Variants in COL4A1 observed in about 807,000 individuals in gnomAD.
The protein encoded by COL4A1 is collagen alpha-1(IV) chain.
Under a neutral mutation model 216.6 loss-of-function variants are expected in COL4A1, and 40 were observed. That is an observed-to-expected ratio of 0.18 (90% CI 0.14 to 0.24). The LOEUF (loss-of-function observed/expected upper bound fraction) is 0.24, where lower values mean the gene tolerates loss of function less well. Ranked by LOEUF, COL4A1 falls within the 10% of genes least tolerant of loss-of-function variation. COL4A1 has a pLI of 1.00. For missense variants in COL4A1, 1,628 were observed against 2,196.8 expected (o/e 0.74, Z 5.18); for synonymous variants, 839 against 810.7 (o/e 1.03, Z -0.59).
At chr13:110,229,428 GA>G (rs1880901878) in intron 2 of COL4A1, among the ~76,000 whole-genome samples, 1 of 152,158 alleles carries the variant, frequency 6.6e-6, no homozygotes, top group Non-Finnish European at 1.5e-5. Context: ...TTCACATTGA[GA>G]AATTTCCAGC....
intron 1 of COL4A1, among the ~76,000 whole-genome samples, chr13:110,290,945 G>A (rs1454400615): frequency 6.6e-6 from 1 of 152,222 alleles, no homozygotes; most frequent in African/African-American, 2.4e-5. Flanking sequence ...AGTGGCAGAA[G>A]CCAAGGGCGA....
intron 20 of COL4A1, 51 bp downstream of exon 20, chr13:110,200,803 A>T: frequency 1.3e-6 from 2 of 1,550,626 alleles, no homozygotes; most frequent in Non-Finnish European, 1.8e-6. Flanking sequence ...GAATATAAAC[A>T]GCACAGAAGG....
chr13:110,175,255 G>A lies in COL4A1; in HGVS notation c.3161C>T (p.Pro1054Leu), dbSNP rs758076661. ...GAKGEKGQAGPPGIGIPGLRG... is the reference protein window; with the variant it reads ...GAKGEKGQAGLPGIGIPGLRG... ...CAGCCCTGGGATGCCTATGCCAGGT[G>A]GGCCTGCCTGCCCTTTCTCTCCTTT... Residue 1054 changes from proline (P) to leucine (L), a missense_variant, in exon 37 of 52, where the codon CCA becomes CTA. By Grantham distance (98) the Pro-to-Leu change is moderately conservative. This residue lies in a region of COL4A1 where 345 missense variants were observed against 476.9 expected (regional missense o/e 0.72). Coordinates refer to ENST00000375820, the MANE Select transcript of COL4A1 (RefSeq NM_001845.6). The A allele has an allele frequency of 4.3e-6, 7 of 1,614,088 alleles. No homozygotes were observed. In the Admixed American group the frequency reaches 6.7e-5, roughly 15 times the overall value.
At chr13:110,288,420 G>C (rs988946328) in intron 1 of COL4A1, among the ~76,000 whole-genome samples, 3 of 152,088 alleles carry the variant, frequency 2.0e-5, no homozygotes, top group Admixed American at 1.3e-4. Context: ...AAAAATCCAT[G>C]GCTCAGGAGA....
Position 110,207,296 on chromosome 13 carries a change from G to A in COL4A1, c.780+107C>T. The A allele has an allele frequency of 1.0e-6, 1 of 961,408 alleles. No individual in the cohort carries two copies. Among genetic ancestry groups the A allele is most frequent in the Non-Finnish European group, 1.7e-6 (1 of 591,504 alleles). 59.6% of individuals were successfully genotyped at this position (961,408 alleles called of 1,614,324 possible). A position where few individuals can be genotyped will look rare whatever the true frequency, so the allele number is the denominator to read the frequency against. On this transcript the variant is annotated intron_variant, in intron 13 of 51. Transcript: ENST00000375820. The surrounding 1 kb of genome is among the most constrained non-coding windows in gnomAD (Gnocchi z 4.4). ...GTCTATAAATCTGTTTTCCAGACCA[G>A]GATTGAATGTAGCTGGAAAAACTGA...
chr13:110,195,466 G>A (rs180682685), intron 21 of COL4A1, among the ~76,000 whole-genome samples: 1 of 152,314 alleles, frequency 6.6e-6, no homozygotes, highest in East Asian at 1.9e-4. Context: ...TGAGGCTCAA[G>A]AAAGGTAAGT....
intron 1 of COL4A1, among the ~76,000 whole-genome samples, chr13:110,269,647 C>T (rs1368051860): frequency 6.6e-6 from 1 of 151,992 alleles, no homozygotes; most frequent in Non-Finnish European, 1.5e-5. Context: ...GTGTGTCCAG[C>T]ACAGGTGACA....
intron 21 of COL4A1, among the ~76,000 whole-genome samples, chr13:110,197,788 C>A (rs1878972688): frequency 6.6e-6 from 1 of 152,166 alleles, no homozygotes; most frequent in Admixed American, 6.5e-5. Flanking sequence ...TCAATCAACC[C>A]CACAGAGGAT....
At chr13:110,218,649 G>T (rs746759615) in intron 2 of COL4A1, among the ~76,000 whole-genome samples, 1 of 152,186 alleles carries the variant, frequency 6.6e-6, no homozygotes, top group Non-Finnish European at 1.5e-5. Context: ...ACTTTAAGAG[G>T]TAGTGAAAGG....
chr13:110,288,299 T>A (rs894127055), intron 1 of COL4A1, among the ~76,000 whole-genome samples: 3 of 149,036 alleles, frequency 2.0e-5, no homozygotes, highest in Non-Finnish European at 3.0e-5. Context: ...TAATAATAAT[T>A]AAGCCTGAGC....
chr13:110,230,626 C>T (rs1308697734), intron 2 of COL4A1, among the ~76,000 whole-genome samples: 5 of 152,164 alleles, frequency 3.3e-5, no homozygotes, highest in African/African-American at 7.2e-5. Flanking sequence ...CTCCGGCCCC[C>T]ACCACACCCT....
chr13:110,197,861 C>G (rs536733482), intron 21 of COL4A1, among the ~76,000 whole-genome samples: 18 of 152,316 alleles, frequency 1.2e-4, no homozygotes, highest in African/African-American at 4.3e-4. Flanking sequence ...CAAAGGCTGG[C>G]TCCAGGTATC....
intron 2 of COL4A1, among the ~76,000 whole-genome samples, chr13:110,227,780 G>A (rs1255449769): frequency 6.6e-6 from 1 of 152,234 alleles, no homozygotes; most frequent in Non-Finnish European, 1.5e-5. Flanking sequence ...AGGGAAAGCA[G>A]TCATCTTTTT....
intron 1 of COL4A1, among the ~76,000 whole-genome samples, chr13:110,245,506 TTCGACTTGTGAG>T (rs1156482788): frequency 6.6e-6 from 1 of 152,326 alleles, no homozygotes; most frequent in African/African-American, 2.4e-5. Flanking sequence ...AGTGTGGATT[TTCGACTTGTGAG>T]TCAATTGCTG....
chr13:110,212,278 A>C, intron 6 of COL4A1, 139 bp downstream of exon 6: 1 of 1,045,728 alleles, frequency 9.6e-7, no homozygotes. Flanking sequence ...TTCCTTACTA[A>C]ATAAAGCAAA....
chr13:110,257,828 T>G (rs899837791), intron 1 of COL4A1, among the ~76,000 whole-genome samples: 4 of 152,238 alleles, frequency 2.6e-5, no homozygotes, highest in Non-Finnish European at 5.9e-5. Context: ...TATTGAAATG[T>G]GCTACAACTT....
intron 50 of COL4A1, among the ~76,000 whole-genome samples, chr13:110,153,309 G>A (rs1234467383): frequency 1.3e-5 from 2 of 152,256 alleles, no homozygotes; most frequent in Non-Finnish European, 2.9e-5. Context: ...GGGGTCTCCA[G>A]ACCTCCAGAT....
intron 15 of COL4A1, 110 bp downstream of exon 15, chr13:110,206,555 A>G (rs972126038): frequency 1.6e-6 from 2 of 1,247,824 alleles, no homozygotes; most frequent in African/African-American, 3.0e-5. Flanking sequence ...TGAAAGGGAT[A>G]AACTAGAAGT....
rs1288197995 is a variant in COL4A1 at position 110,253,221 on chromosome 13, TTATATATACATATAATTAGG to T, written c.85-10507_85-10488del. On this transcript the variant is annotated intron_variant, in intron 1 of 51. Transcript: ENST00000375820. ...ACATATAACTATATGTATGTATGTATTATATATACATATAATTAGGTATATATACATATAATTAGGTATAT... is the reference window on the plus strand; with the variant it reads ...ACATATAACTATATGTATGTATGTATTATATATACATATAATTAGGTATAT... 2.5e-3 allele frequency among the ~76,000 whole-genome samples: 339 copies of T among 134,554 alleles called. 29 individuals carry two copies. The highest frequency in any genetic ancestry group is 9.3e-3 in the African/African-American group (316 of 34,058). The allele number at this position is 134,554 out of a possible 152,430, so 88.3% of individuals were successfully genotyped here. A position where few individuals can be genotyped will look rare whatever the true frequency, so the allele number is the denominator to read the frequency against.
Sources: gnomAD v4.1 joint callset for allele counts (sites outside exome capture counted in the v4.1 genomes callset) on GRCh38, gnomAD v4.1.1 for gene constraint, gnomAD v4.1.1 regional missense constraint, Gnocchi (gnomAD v3.1) non-coding constraint, MANE v1.5 for transcripts, NCBI Gene and HGNC (gene_info 2026-07-23, HGNC 2026-07-21) for gene names.